Variants in PARD3 observed in about 807,000 individuals in gnomAD.
PARD3 encodes the protein par-3 family cell polarity regulator.
In PARD3, 75 loss-of-function variants were observed where a neutral mutation model predicts 155.4. The observed-to-expected ratio is 0.48, with a 90% CI of 0.40 to 0.58. PARD3 has a LOEUF of 0.58. PARD3 is among the 20% of genes least tolerant of loss of function. The pLI is 0.00. For missense variants in PARD3, 1,642 were observed against 1,721.7 expected (o/e 0.95, Z 0.82); for synonymous variants, 576 against 610.5 (o/e 0.94, Z 0.83).
At chr10:34,237,417 ATTTAG>A in intron 22 of PARD3, among the ~76,000 whole-genome samples, 1 of 152,188 alleles carries the variant, frequency 6.6e-6, no homozygotes, top group Admixed American at 6.5e-5. Context: ...ATTCTTATTT[ATTTAG>A]TTAAGGGTTA....
At chr10:34,389,500 T>C (rs932900038) in intron 7 of PARD3, among the ~76,000 whole-genome samples, 21 of 152,224 alleles carry the variant, frequency 1.4e-4, no homozygotes, top group African/African-American at 4.6e-4. Flanking sequence ...TGAAAATAAG[T>C]AACAAATGTT....
chr10:34,234,969 C>T (rs544711655), intron 22 of PARD3, among the ~76,000 whole-genome samples: 64 of 152,240 alleles, frequency 4.2e-4, no homozygotes, highest in African/African-American at 1.3e-3. Context: ...TAGTCCATGG[C>T]GGATTCTTTA....
At chr10:34,646,046 C>T (rs1467654072) in intron 2 of PARD3, among the ~76,000 whole-genome samples, 2 of 152,024 alleles carry the variant, frequency 1.3e-5, no homozygotes, top group Non-Finnish European at 2.9e-5. Context: ...CATAGCGAGA[C>T]GCAGGAACAG....
intron 2 of PARD3, among the ~76,000 whole-genome samples, chr10:34,671,437 C>T (rs966867774): frequency 6.6e-6 from 1 of 152,086 alleles, no homozygotes; most frequent in Non-Finnish European, 1.5e-5. Context: ...TAGGCCACAA[C>T]GTTGAAATCT....
chr10:34,427,323 C>A (rs936740632), intron 5 of PARD3, among the ~76,000 whole-genome samples: 2 of 152,182 alleles, frequency 1.3e-5, no homozygotes, highest in African/African-American at 4.8e-5. Context: ...AGAATGCATT[C>A]CCAGGCGGGG....
chr10:34,447,248 G>A (rs984272036), intron 5 of PARD3, among the ~76,000 whole-genome samples: 7 of 151,976 alleles, frequency 4.6e-5, no homozygotes, highest in Admixed American at 4.6e-4. Flanking sequence ...GGGAGGCTGA[G>A]GCAGGTGTAT....
chr10:34,265,870 G>T (rs1057323690), intron 22 of PARD3, among the ~76,000 whole-genome samples: 2 of 152,144 alleles, frequency 1.3e-5, no homozygotes, highest in Non-Finnish European at 2.9e-5. Flanking sequence ...AAAGGCTGCT[G>T]AACAGGAACA....
At chr10:34,127,814 C>T (rs1459971480) in intron 23 of PARD3, among the ~76,000 whole-genome samples, 2 of 150,034 alleles carry the variant, frequency 1.3e-5, no homozygotes, top group Non-Finnish European at 3.0e-5. Flanking sequence ...TCTTTTCAGC[C>T]TCTTTGTGTA....
At chr10:34,321,230 C>A (rs1213047310) in intron 19 of PARD3, among the ~76,000 whole-genome samples, 4 of 151,998 alleles carry the variant, frequency 2.6e-5, no homozygotes, top group Non-Finnish European at 4.4e-5. Flanking sequence ...AACGAACATG[C>A]ATATAAACAA....
chr10:34,536,014 G>A (rs547531880), intron 2 of PARD3, among the ~76,000 whole-genome samples: 62 of 152,056 alleles, frequency 4.1e-4, no homozygotes, highest in Non-Finnish European at 7.2e-4. Flanking sequence ...AACTGAGAAC[G>A]AGAGTGTATT....
intron 22 of PARD3, among the ~76,000 whole-genome samples, chr10:34,184,054 G>A (rs554340234): frequency 6.6e-6 from 1 of 152,254 alleles, no homozygotes; most frequent in African/African-American, 2.4e-5. Context: ...CTAGGCTCAA[G>A]CAACCCATCT....
At chr10:34,305,448 G>A (rs1957356564) in intron 20 of PARD3, among the ~76,000 whole-genome samples, 1 of 152,256 alleles carries the variant, frequency 6.6e-6, no homozygotes, top group African/African-American at 2.4e-5. Context: ...TGCCCACAAA[G>A]CTTGTAAGGA....
chr10:34,258,449 TTGCGTTTGC>T (rs1461991646), intron 22 of PARD3, among the ~76,000 whole-genome samples: 1 of 152,120 alleles, frequency 6.6e-6, no homozygotes, highest in Non-Finnish European at 1.5e-5. Flanking sequence ...TGGGTTGTGA[TTGCGTTTGC>T]TGAGATTAGG....
At chr10:34,497,388 T>C (rs1297094688) in intron 3 of PARD3, among the ~76,000 whole-genome samples, 1 of 152,170 alleles carries the variant, frequency 6.6e-6, no homozygotes, top group Non-Finnish European at 1.5e-5. Context: ...TGTGTGCAGG[T>C]TATATGCAAA....
chr10:34,741,806 T>C (rs567551537), intron 1 of PARD3, among the ~76,000 whole-genome samples: 21 of 152,246 alleles, frequency 1.4e-4, no homozygotes, highest in African/African-American at 4.8e-4. Context: ...ATGAAGCACA[T>C]ACAACACAGA....
intron 1 of PARD3, among the ~76,000 whole-genome samples, chr10:34,764,891 AAAACATTTATCTTCAT>A (rs1837890877): frequency 6.6e-6 from 1 of 152,186 alleles, no homozygotes; most frequent in Non-Finnish European, 1.5e-5. Context: ...TGTTAAGATG[AAAACATTTATCTTCAT>A]AAACAGCCTG....
intron 1 of PARD3, among the ~76,000 whole-genome samples, chr10:34,756,567 T>C (rs558558699): frequency 6.7e-6 from 1 of 149,066 alleles, no homozygotes; most frequent in East Asian, 2.0e-4. Flanking sequence ...GTGATCTTCC[T>C]GCCTCAGCCT....
At chr10:34,251,005 A>C (rs1469219936) in intron 22 of PARD3, among the ~76,000 whole-genome samples, 1 of 152,072 alleles carries the variant, frequency 6.6e-6, no homozygotes, top group Non-Finnish European at 1.5e-5. Context: ...AATATCATAA[A>C]CCTCTTTCAC....
intron 12 of PARD3, among the ~76,000 whole-genome samples, chr10:34,364,352 C>T (rs773597727): frequency 6.6e-6 from 1 of 152,068 alleles, no homozygotes; most frequent in Non-Finnish European, 1.5e-5. Flanking sequence ...TAACAAAATA[C>T]GTGACTCAGC....
Sources: allele counts gnomAD v4.1 joint callset (sites outside exome capture counted in the v4.1 genomes callset), GRCh38; gene constraint gnomAD v4.1.1; transcripts MANE v1.5; gene names NCBI Gene and HGNC (gene_info 2026-07-23, HGNC 2026-07-21).